The following RNF125 variants were observed in gnomAD, a reference collection of about 807,000 sequenced individuals.
RNF125 encodes the protein ring finger protein 125, also known as E3 ubiquitin-protein ligase RNF125.
A neutral mutation model predicts 26.0 loss-of-function variants in RNF125; 21 were observed. The ratio of observed to expected loss-of-function variants is 0.81; its 90% CI spans 0.57 to 1.16. The LOEUF (loss-of-function observed/expected upper bound fraction) is 1.16. Among genes scored for constraint, RNF125 ranks in the 50% most tolerant of loss-of-function variants. RNF125 has a pLI of 0.00. For synonymous variants in RNF125, 95 were observed against 109.2 expected (o/e 0.87, Z 0.81); for missense variants, 270 against 299.4 (o/e 0.90, Z 0.72).
At chr18:32,062,958 G>A (rs1007923607) in intron 4 of RNF125, among the ~76,000 whole-genome samples, 1 of 152,112 alleles carries the variant, frequency 6.6e-6, no homozygotes, top group African/African-American at 2.4e-5. Flanking sequence ...GGTGGCTCAT[G>A]CTTGTAATCC....
At chr18:32,064,855 C>T (rs1341497799) in intron 4 of RNF125, among the ~76,000 whole-genome samples, 2 of 152,022 alleles carry the variant, frequency 1.3e-5, no homozygotes, top group Non-Finnish European at 2.9e-5. Flanking sequence ...CTGGTAATTG[C>T]CATTTCTGGT....
At chr18:32,062,831 G>A (rs990289571) in intron 4 of RNF125, among the ~76,000 whole-genome samples, 3 of 152,036 alleles carry the variant, frequency 2.0e-5, no homozygotes, top group African/African-American at 7.2e-5. Context: ...AATTCACTGA[G>A]TTGTTGTGAG....
At chr18:32,050,684 G>A (rs1322105190) in intron 4 of RNF125, among the ~76,000 whole-genome samples, 2 of 151,818 alleles carry the variant, frequency 1.3e-5, no homozygotes, top group Admixed American at 6.6e-5. Context: ...TATTAGACTC[G>A]AAGGAAGCAG....
chr18:32,081,001 C>T, the RNF125 span, among the ~76,000 whole-genome samples: 10 of 152,202 alleles, frequency 6.6e-5, no homozygotes, highest in East Asian at 1.9e-3. Context: ...CCTGACCCAA[C>T]ATGGTGAAAC....
the RNF125 span, among the ~76,000 whole-genome samples, chr18:32,086,970 G>T: frequency 6.6e-6 from 1 of 152,176 alleles, no homozygotes; most frequent in South Asian, 2.1e-4. Flanking sequence ...GATCATCAAA[G>T]AAAAGTGCTT....
At chr18:32,074,704 A>G (rs769705802), downstream of RNF125, among the ~76,000 whole-genome samples, 12 of 152,066 alleles carry the variant, frequency 7.9e-5, no homozygotes, top group Non-Finnish European at 1.6e-4. Context: ...CACCATGCCC[A>G]GCTAATTTTT....
At chr18:32,041,327 T>C (rs1400829364) in intron 2 of RNF125, among the ~76,000 whole-genome samples, 2 of 152,198 alleles carry the variant, frequency 1.3e-5, no homozygotes, top group African/African-American at 4.8e-5. Flanking sequence ...TGAATTCATG[T>C]AATACTGTTG....
At chr18:32,041,620 CTTTTTTTTTTT>C (rs60264747) in intron 2 of RNF125, among the ~76,000 whole-genome samples, 4 of 93,278 alleles carry the variant, frequency 4.3e-5, no homozygotes, top group African/African-American at 1.2e-4. Flanking sequence ...AATGTAGATG[CTTTTTTTTTTT>C]TTTTTTTTTT....
intron 4 of RNF125, among the ~76,000 whole-genome samples, chr18:32,061,594 C>T (rs1453756951): frequency 6.6e-6 from 1 of 152,210 alleles, no homozygotes; most frequent in Admixed American, 6.5e-5. Flanking sequence ...TTAGGATTTA[C>T]TGCCTTTTCC....
the RNF125 span, among the ~76,000 whole-genome samples, chr18:32,081,726 A>G: frequency 6.6e-6 from 1 of 152,196 alleles, no homozygotes; most frequent in South Asian, 2.1e-4. Context: ...TTATAATTTA[A>G]AATTTTTAAT....
rs185303808 is a variant in RNF125, at chr18:32,072,223, T to G, written c.*3839T>G. 1 of 151,710 alleles carries G rather than the reference T, an allele frequency of 6.6e-6. No homozygotes were observed. The highest frequency in any genetic ancestry group is 1.5e-5 in the Non-Finnish European group (1 of 67,924). The allele number at this position is 151,710 out of a possible 1,614,324, so 9.4% of individuals were successfully genotyped here. On this transcript the variant is annotated 3_prime_UTR_variant, in exon 6 of 6. Coordinates refer to ENST00000217740, the MANE Select transcript of RNF125 (RefSeq NM_017831.4). ...CTCCAAAAACATAAATAATTAAATA[T>G]AAATAAAAATAAAGCAAAATCTGTT...
chr18:32,086,093 C>G, the RNF125 span, among the ~76,000 whole-genome samples: 1 of 152,048 alleles, frequency 6.6e-6, no homozygotes, highest in Non-Finnish European at 1.5e-5. Flanking sequence ...TTCCATCTTT[C>G]AGCTTTACCA....
In RNF125 at chr18:32,051,811, T is replaced by A. The variant is rs2039331467; in HGVS notation, c.504+6079T>A. Among the ~76,000 whole-genome samples the A allele has an allele frequency of 2.0e-5, 3 of 150,370 alleles. No homozygotes were observed. The Admixed American group carries it at 2.0e-4, about 10-fold the overall frequency. ...TTCAAGCAATTCTCCTCCCTCAGCC[T>A]CCCGAGTAGCTGGGATTACAGGCAT... On this transcript the variant is annotated intron_variant, in intron 4 of 5. Coordinates refer to ENST00000217740, the MANE Select transcript of RNF125 (RefSeq NM_017831.4).
chr18:32,047,076 C>T (rs542980104), intron 4 of RNF125, among the ~76,000 whole-genome samples: 4 of 151,944 alleles, frequency 2.6e-5, no homozygotes, highest in South Asian at 4.2e-4. Context: ...CGTGCTGTGT[C>T]GCCAGGCTGG....
downstream of RNF125, among the ~76,000 whole-genome samples, chr18:32,074,097 C>T (rs189716189): frequency 3.8e-3 from 576 of 152,268 alleles, 4 homozygotes; most frequent in Non-Finnish European, 4.4e-3. Flanking sequence ...AATTACAAGT[C>T]CCAAATCCCA....
chr18:32,025,740 ATGCG>A (rs2039028401), intron 1 of RNF125, among the ~76,000 whole-genome samples: 1 of 148,792 alleles, frequency 6.7e-6, no homozygotes, highest in Admixed American at 6.7e-5. Context: ...GTGTTTGTGT[ATGCG>A]TGTGTGTGTG....
chr18:32,049,612 G>T (rs2039304856), intron 4 of RNF125, among the ~76,000 whole-genome samples: 2 of 152,014 alleles, frequency 1.3e-5, no homozygotes. Flanking sequence ...GCGGGGAGGA[G>T]GAGGATGGGG....
intron 4 of RNF125, among the ~76,000 whole-genome samples, chr18:32,054,554 A>G (rs61499404): frequency 0.091 from 13,883 of 152,212 alleles, 2,060 homozygotes; most frequent in African/African-American, 0.31. Flanking sequence ...GGGAGAAAAT[A>G]TGGTTTTATC....
At chr18:32,030,232 A>T (rs986022181) in intron 1 of RNF125, among the ~76,000 whole-genome samples, 1 of 151,906 alleles carries the variant, frequency 6.6e-6, no homozygotes, top group Admixed American at 6.6e-5. Context: ...TAGTAGAGAC[A>T]GGGTTTCACC....
Sources: allele counts gnomAD v4.1 joint callset (sites outside exome capture counted in the v4.1 genomes callset), GRCh38; gene constraint gnomAD v4.1.1; transcripts MANE v1.5; gene names NCBI Gene and HGNC (gene_info 2026-07-23, HGNC 2026-07-21).